The following SPP2 variants were observed in gnomAD, a reference collection of about 807,000 sequenced individuals.
The protein encoded by SPP2 is secreted phosphoprotein 2, also known as secreted phosphoprotein 24.
Under a neutral mutation model 28.8 loss-of-function variants are expected in SPP2, and 34 were observed. The ratio of observed to expected loss-of-function variants is 1.18; its 90% confidence interval spans 0.90 to 1.57. The LOEUF is 1.57. Among genes scored for constraint, SPP2 ranks in the 40% most tolerant of loss-of-function variants. The pLI, the probability that SPP2 is intolerant of heterozygous loss-of-function variation, is 0.00. For missense variants in SPP2, 269 were observed against 263.9 expected, an observed-to-expected ratio of 1.02 and a Z score of -0.13; for synonymous variants, 96 against 89.4, an observed-to-expected ratio of 1.07 and a Z score of -0.42.
chr2:234,073,858 G>A (rs941369037), intron 7 of SPP2, among the ~76,000 whole-genome samples: 2 of 152,152 alleles, frequency 1.3e-5, no homozygotes, highest in East Asian at 3.8e-4. Context: ...GTCAATAAGG[G>A]CACAGTAAAA....
chr2:234,059,476 C>A (rs992335312), intron 3 of SPP2, among the ~76,000 whole-genome samples: 5 of 152,116 alleles, frequency 3.3e-5, no homozygotes, highest in African/African-American at 9.7e-5. Context: ...GAAAACCTAA[C>A]CCCAAAGGCC....
chr2:234,076,043 T>C (rs1690887795), intron 7 of SPP2, among the ~76,000 whole-genome samples: 1 of 152,226 alleles, frequency 6.6e-6, no homozygotes, highest in Non-Finnish European at 1.5e-5. Flanking sequence ...AGCATTTTCC[T>C]GGTGGCTGTG....
chr2:234,064,249 C>G (rs200773719), intron 4 of SPP2, among the ~76,000 whole-genome samples: 1 of 8,222 alleles, frequency 1.2e-4, no homozygotes, highest in Non-Finnish European at 3.6e-4. Context: ...CTTCCTCTGT[C>G]TCTCTCTCTC....
rs1237354656 is a variant in SPP2, at chr2:234,067,240, G to C, written c.516G>C (p.Glu172Asp). 2 of 1,613,920 alleles carry C rather than the reference G, an allele frequency of 1.2e-6. No individual in the cohort carries two copies. The highest frequency in any genetic ancestry group is 1.6e-4 in the Middle Eastern group (1 of 6,082). Residue 172 changes from glutamate (E) to aspartate (D), a missense_variant, in exon 6 of 8, where the codon GAG (glutamate) becomes GAC (aspartate). Coordinates refer to ENST00000168148, the MANE Select transcript of SPP2 (RefSeq NM_006944.3). ...GTGTTACAGGTCTCATTTCAGACGA[G>C]TCCATAAGTGAACAATTTTATGATC... ...NNYLFGLISD[E>D]SISEQFYDRS...
intron 4 of SPP2, among the ~76,000 whole-genome samples, chr2:234,064,274 C>G (rs553270974): frequency 1.7e-4 from 26 of 150,414 alleles, no homozygotes; most frequent in Non-Finnish European, 3.4e-4. Flanking sequence ...TGTCACTGTG[C>G]CTTCTGCACT....
rs143144035 is a variant in SPP2 at position 234,070,101 on chromosome 2, T to C, written c.*10+78T>C. The C allele has an allele frequency of 7.9e-4, 908 of 1,142,786 alleles. 6 individuals carry two copies. In the African/African-American group the frequency reaches 0.013, roughly 16 times the overall value. 70.8% of individuals were successfully genotyped at this position (1,142,786 alleles called of 1,614,324 possible). A position where few individuals can be genotyped will look rare whatever the true frequency, so the allele number is the denominator to read the frequency against. ...GTGAACGCCTTAAAACTGCTGACCT[T>C]CAAATATCTGCAATATGCTATTCAA... is the stretch of plus-strand genomic sequence containing the variant. On this transcript the variant is annotated intron_variant, in intron 7 of 7. Coordinates refer to ENST00000168148, the MANE Select transcript of SPP2 (RefSeq NM_006944.3).
In SPP2 at chr2:234,070,016, G is replaced by T. The variant is rs1452305742; in HGVS notation, c.*3G>T. On this transcript the variant is annotated 3_prime_UTR_variant, in exon 7 of 8. Coordinates refer to ENST00000168148, the MANE Select transcript of SPP2 (RefSeq NM_006944.3). ...GAATAAATACTGACTTTGAGTAACG[G>T]CCTTGAGGTAAGAAAATGCAGGTGC... The T allele has an allele frequency of 2.5e-6, 4 of 1,612,458 alleles. No individual in the cohort carries two copies. Among genetic ancestry groups the T allele is most frequent in the Non-Finnish European group, 3.4e-6 (4 of 1,178,922 alleles).
Position 234,072,450 on chromosome 2 carries a change from A to G in SPP2, c.*10+2427A>G, listed in dbSNP as rs572621028. ...ATGGGCAGGGAGAATAGAGTTCTCA[A>G]TGGATTGGCTGTATTTTGTTTATTA... is the stretch of plus-strand genomic sequence containing the variant. On this transcript the variant is annotated intron_variant, in intron 7 of 7. Transcript: ENST00000168148. 9.2e-5 allele frequency among the ~76,000 whole-genome samples: 14 copies of G among 152,292 alleles called. No individual in the cohort carries two copies. The East Asian group carries it at 2.1e-3, about 23-fold the overall frequency.
At chr2:234,065,047 C>T (rs556716058) in intron 4 of SPP2, among the ~76,000 whole-genome samples, 3 of 152,306 alleles carry the variant, frequency 2.0e-5, no homozygotes, top group Admixed American at 2.0e-4. Context: ...ATTTAATTCT[C>T]TTGGAAACAG....
intron 2 of SPP2, among the ~76,000 whole-genome samples, chr2:234,051,309 T>G (rs1188437419): frequency 6.6e-6 from 1 of 152,238 alleles, no homozygotes; most frequent in Non-Finnish European, 1.5e-5. Flanking sequence ...CTGATTCTTC[T>G]GCTGTATTCT....
chr2:234,070,761 C>T (rs1049770621), intron 7 of SPP2, among the ~76,000 whole-genome samples: 19 of 152,252 alleles, frequency 1.2e-4, no homozygotes, highest in African/African-American at 3.1e-4. Context: ...CACGCCTGGC[C>T]GACGTATGCT....
intron 4 of SPP2, among the ~76,000 whole-genome samples, chr2:234,063,101 A>G (rs1693751804): frequency 6.6e-6 from 1 of 152,192 alleles, no homozygotes. Flanking sequence ...AAACTCTGAA[A>G]TGAATTTCTT....
At chr2:234,070,238 G>A (rs940862119) in intron 7 of SPP2, among the ~76,000 whole-genome samples, 1 of 152,176 alleles carries the variant, frequency 6.6e-6, no homozygotes, top group African/African-American at 2.4e-5. Flanking sequence ...TGTTGCCACT[G>A]ATGTGGTCAA....
chr2:234,067,121 G>T, intron 5 of SPP2, 103 bp from the exon 6 acceptor site: 2 of 1,109,658 alleles, frequency 1.8e-6, no homozygotes, highest in Middle Eastern at 2.2e-4. Context: ...ATCTCTCACT[G>T]CTTCTTTGCT....
intron 7 of SPP2, among the ~76,000 whole-genome samples, chr2:234,071,978 A>T (rs1290518260): frequency 6.6e-6 from 1 of 152,214 alleles, no homozygotes; most frequent in South Asian, 2.1e-4. Context: ...CCTGTCACCC[A>T]TCTGACTAAC....
chr2:234,055,606 A>G (rs1217058880), intron 2 of SPP2, among the ~76,000 whole-genome samples: 1 of 152,222 alleles, frequency 6.6e-6, no homozygotes, highest in Non-Finnish European at 1.5e-5. Context: ...ATAAAAACCA[A>G]AATGTAATCA....
At chr2:234,064,326 AG>A (rs1693777482) in intron 4 of SPP2, among the ~76,000 whole-genome samples, 1 of 151,998 alleles carries the variant, frequency 6.6e-6, no homozygotes, top group African/African-American at 2.4e-5. Context: ...CCCTTGCAGC[AG>A]GAAGTAAAGC....
At chr2:234,075,953 T>G (rs1690886151) in intron 7 of SPP2, among the ~76,000 whole-genome samples, 1 of 152,200 alleles carries the variant, frequency 6.6e-6, no homozygotes, top group South Asian at 2.1e-4. Flanking sequence ...CTGCTAATCC[T>G]TGCTCCGAAA....
In SPP2 at chr2:234,060,285, CATTT is replaced by C. The variant is rs1353432824; in HGVS notation, c.334-79_334-76del. ...TTCTTTGTCATTTCGTCAAACCTGA[CATTT>C]ATTTTCCTGATTTACTCAATGGAGG... On this transcript the variant is annotated intron_variant, in intron 3 of 7. Transcript: ENST00000168148. 7.7e-6 allele frequency: 7 copies of C among 913,030 alleles called. No individual in the cohort carries two copies. In the African/African-American group the frequency reaches 1.2e-4, roughly 15 times the overall value. 56.6% of individuals were successfully genotyped at this position (913,030 alleles called of 1,614,324 possible).
Sources: gnomAD v4.1 joint callset for allele counts (sites outside exome capture counted in the v4.1 genomes callset) on GRCh38, gnomAD v4.1.1 for gene constraint, MANE v1.5 for transcripts, NCBI Gene and HGNC (gene_info 2026-07-23, HGNC 2026-07-21) for gene names.